TAF4B: variants seen among roughly 807,000 people sequenced by gnomAD.
TAF4B encodes the protein TATA-box binding protein associated factor 4b, also known as transcription initiation factor TFIID subunit 4B.
In TAF4B, 38 loss-of-function variants were observed where a neutral mutation model predicts 86.4. That is an observed-to-expected ratio of 0.44 (90% CI 0.34 to 0.58). TAF4B has a LOEUF of 0.58. Among genes scored for constraint, TAF4B ranks in the 20% least tolerant of loss-of-function variants. The probability of loss-of-function intolerance (pLI) is 0.02; values close to 1 mark genes in which losing one functional copy is unlikely to be tolerated. For synonymous variants in TAF4B, 388 were observed against 391.2 expected (o/e 0.99, Z 0.10); for missense variants, 988 against 1,027.6 (o/e 0.96, Z 0.53).
intron 13 of TAF4B, among the ~76,000 whole-genome samples, chr18:26,342,107 T>G (rs1213679622): frequency 5.3e-5 from 8 of 152,146 alleles, no homozygotes; most frequent in Admixed American, 5.2e-4. Context: ...AGGGTTTTGT[T>G]TTTACCTTTA....
chr18:26,368,698 C>T (rs1488505843), intron 14 of TAF4B, among the ~76,000 whole-genome samples: 1 of 152,040 alleles, frequency 6.6e-6, no homozygotes, highest in East Asian at 1.9e-4. Context: ...AAAGCAGCTC[C>T]TTATATTTTA....
chr18:26,298,744 T>C (rs987583105), intron 9 of TAF4B, among the ~76,000 whole-genome samples: 4 of 150,754 alleles, frequency 2.7e-5, no homozygotes, highest in African/African-American at 9.8e-5. Flanking sequence ...GGGATTTCAC[T>C]ATGTTTCCCA....
intron 13 of TAF4B, among the ~76,000 whole-genome samples, chr18:26,342,803 A>G (rs1232459659): frequency 1.3e-5 from 2 of 152,246 alleles, no homozygotes. Flanking sequence ...TAAAGGAAAT[A>G]GCATATTCTT....
At chr18:26,263,237 A>G (rs1016637199) in intron 1 of TAF4B, among the ~76,000 whole-genome samples, 2 of 152,192 alleles carry the variant, frequency 1.3e-5, no homozygotes, top group African/African-American at 2.4e-5. Context: ...TACAGGCGTG[A>G]GCCACCATGC....
rs1174550251 is a variant in TAF4B at position 26,231,347 on chromosome 18, T to G, written c.343+4071T>G. 1.7e-3 allele frequency among the ~76,000 whole-genome samples: 214 copies of G among 126,986 alleles called. 6 individuals are homozygous for G. The highest frequency in any genetic ancestry group is 2.2e-3 in the Non-Finnish European group (132 of 59,608). The allele number at this position is 126,986 out of a possible 152,430, so 83.3% of individuals were successfully genotyped here. A position where few individuals can be genotyped will look rare whatever the true frequency, so the allele number is the denominator to read the frequency against. On this transcript the variant is annotated intron_variant, in intron 1 of 14. Coordinates refer to ENST00000269142, the MANE Select transcript of TAF4B (RefSeq NM_005640.3). ...TGTGAGCCACCCAGCTGCTTGGGGT[T>G]TTTTTTTTTTTTTTTTTTTTTTGGA...
chr18:26,387,825 C>A (rs1978465754), intron 14 of TAF4B, among the ~76,000 whole-genome samples: 1 of 152,148 alleles, frequency 6.6e-6, no homozygotes, highest in Non-Finnish European at 1.5e-5. Flanking sequence ...ATGACTGCGA[C>A]ATCATGTCCC....
At chr18:26,242,931 TAG>T (rs2055862795) in intron 1 of TAF4B, among the ~76,000 whole-genome samples, 1 of 152,370 alleles carries the variant, frequency 6.6e-6, no homozygotes, top group African/African-American at 2.4e-5. Context: ...TTCTGGCTTG[TAG>T]AGTTTCTGCC....
intron 9 of TAF4B, among the ~76,000 whole-genome samples, chr18:26,300,891 G>A (rs1435892349): frequency 1.3e-5 from 2 of 149,372 alleles, no homozygotes; most frequent in African/African-American, 4.9e-5. Context: ...TTTTCCTTTA[G>A]TTCTGTCAAT....
chr18:26,302,295 A>G (rs867197651), intron 9 of TAF4B, among the ~76,000 whole-genome samples: 32 of 149,210 alleles, frequency 2.1e-4, no homozygotes, highest in African/African-American at 7.4e-4. Context: ...CTTATGCCTT[A>G]TTTTAGAGAT....
rs79052006 is a variant in TAF4B at position 26,318,903 on chromosome 18, G to A, written c.2003-2167G>A. On this transcript the variant is annotated intron_variant, in intron 10 of 14. Coordinates refer to ENST00000269142, the MANE Select transcript of TAF4B (RefSeq NM_005640.3). ...AATACATATGAAATTATTTTCAGAA[G>A]TTCTTCTTCAAACACTAAGGTGCCT... Among the ~76,000 whole-genome samples, 6 of 152,314 alleles carry A rather than the reference G, an allele frequency of 3.9e-5. 1 individual carries two copies. The South Asian group carries it at 1.2e-3, about 32-fold the overall frequency.
chr18:26,254,518 A>G (rs1317872462), intron 1 of TAF4B, among the ~76,000 whole-genome samples: 1 of 152,214 alleles, frequency 6.6e-6, no homozygotes, highest in Non-Finnish European at 1.5e-5. Context: ...TGAAGTCATC[A>G]AAGTCATGTA....
intron 14 of TAF4B, among the ~76,000 whole-genome samples, chr18:26,375,568 T>C (rs533658265): frequency 6.6e-6 from 1 of 152,346 alleles, no homozygotes; most frequent in Admixed American, 6.5e-5. Flanking sequence ...ACACTTGTTA[T>C]TGCCTTTTAA....
At chr18:26,287,158 A>G (rs2056534222) in intron 7 of TAF4B, among the ~76,000 whole-genome samples, 1 of 152,178 alleles carries the variant, frequency 6.6e-6, no homozygotes, top group African/African-American at 2.4e-5. Flanking sequence ...AGTTGTCCCA[A>G]TAATGTGTTT....
chr18:26,303,379 A>T (rs1598779319), intron 9 of TAF4B, among the ~76,000 whole-genome samples: 1 of 85,576 alleles, frequency 1.2e-5, no homozygotes, highest in African/African-American at 4.4e-5. Context: ...CTCCACTTTC[A>T]TCCTCCCTCC....
chr18:26,336,235 G>T (rs180707250), intron 13 of TAF4B, among the ~76,000 whole-genome samples: 1 of 152,198 alleles, frequency 6.6e-6, no homozygotes, highest in Admixed American at 6.5e-5. Flanking sequence ...AAGGATCTTT[G>T]TGCTAAATAA....
chr18:26,313,660 C>T lies in TAF4B; in HGVS notation c.1833-1569C>T, dbSNP rs377578011. On this transcript the variant is annotated intron_variant, in intron 9 of 14. Transcript: ENST00000269142. The stretch of plus-strand genomic sequence containing the variant: ...TTCAATTGCTGTGTTTAGCAGTTTA[C>T]TTTCCTTGAGTTTTTTTTTTTTAAA... 1.9e-4 allele frequency among the ~76,000 whole-genome samples: 28 copies of T among 149,768 alleles called. No homozygotes were observed. In the East Asian group the frequency reaches 3.5e-3, roughly 19 times the overall value.
chr18:26,251,091 G>A (rs1409044554), intron 1 of TAF4B, among the ~76,000 whole-genome samples: 1 of 152,214 alleles, frequency 6.6e-6, no homozygotes, highest in Non-Finnish European at 1.5e-5. Flanking sequence ...GCGTCTAAGT[G>A]TTTCCAGTCC....
intron 13 of TAF4B, among the ~76,000 whole-genome samples, chr18:26,349,643 G>T (rs2057228401): frequency 6.6e-6 from 1 of 152,178 alleles, no homozygotes; most frequent in Non-Finnish European, 1.5e-5. Flanking sequence ...GCAATCAACA[G>T]AGTCAATGCA....
chr18:26,311,080 T>C (rs2144657008), intron 9 of TAF4B, among the ~76,000 whole-genome samples: 1 of 152,282 alleles, frequency 6.6e-6, no homozygotes, highest in African/African-American at 2.4e-5. Context: ...CATTGTTTCA[T>C]ACTAGGAAAA....
Sources: gnomAD v4.1 joint callset for allele counts (sites outside exome capture counted in the v4.1 genomes callset) on GRCh38, gnomAD v4.1.1 for gene constraint, MANE v1.5 for transcripts, NCBI Gene and HGNC (gene_info 2026-07-23, HGNC 2026-07-21) for gene names.